Variants in LILRB1 observed in about 807,000 individuals in gnomAD.
The protein encoded by LILRB1 is leukocyte immunoglobulin like receptor B1.
Under a neutral mutation model 74.6 loss-of-function variants are expected in LILRB1, and 59 were observed. That is an observed-to-expected ratio of 0.79 (90% CI 0.64 to 0.98). The LOEUF (loss-of-function observed/expected upper bound fraction) is 0.98, where lower values mean the gene tolerates loss of function less well. LILRB1 is among the 50% of genes least tolerant of loss of function. The pLI, the probability that LILRB1 is intolerant of heterozygous loss-of-function variation, is 0.00. For synonymous variants in LILRB1, 328 were observed against 333.9 expected (o/e 0.98, Z 0.19); for missense variants, 804 against 822.6 (o/e 0.98, Z 0.28).
chr19:54,631,927 T>C lies in LILRB1; in HGVS notation c.359-8T>C. Reference sequence around the variant, plus strand: ...CCACATTTAACACGGTGCCTCCTTCTCTCCTAGGAGCCTACATCAAACCCA... The same window carrying C: ...CCACATTTAACACGGTGCCTCCTTCCCTCCTAGGAGCCTACATCAAACCCA... On this transcript the variant is annotated splice_polypyrimidine_tract_variant and splice_region_variant and intron_variant, in intron 4 of 14. Transcript: ENST00000324602. The C allele has an allele frequency of 1.4e-5, 22 of 1,611,126 alleles. No homozygotes were observed. Among genetic ancestry groups the C allele is most frequent in the Non-Finnish European group, 1.8e-5 (21 of 1,177,784 alleles).
At chr19:54,625,497 G>C (rs374599601), upstream of LILRB1, among the ~76,000 whole-genome samples, 17 of 152,284 alleles carry the variant, frequency 1.1e-4, no homozygotes, top group East Asian at 3.3e-3. Flanking sequence ...TGTAGGCCAA[G>C]GGGGGTCAGG....
upstream of LILRB1, among the ~76,000 whole-genome samples, chr19:54,616,538 T>G (rs1185513506): frequency 1.3e-5 from 2 of 152,334 alleles, no homozygotes; most frequent in East Asian, 1.9e-4. Context: ...ATTTTGAGCT[T>G]CTTCTCTGCC....
rs199642118 is a variant in LILRB1, at chr19:54,633,258, C to T, written c.1201C>T (p.Gln401Ter). 1.4e-4 allele frequency: 231 copies of T among 1,614,122 alleles called. No homozygotes were observed. Among genetic ancestry groups the T allele is most frequent in the Middle Eastern group, 1.2e-3 (7 of 6,060 alleles). ...GGGGACCTACAGGTGCTACGGCTCA[C>T]AGAGCTCCAAACCCTACCTGCTGAC... ...HAGTYRCYGSQSSKPYLLTHP... is the reference protein window; with the variant it reads ...HAGTYRCYGS Residue 401 changes from glutamine (Q) to a stop codon, truncating the protein, a stop_gained, in exon 7 of 15, where the codon CAG (glutamine) becomes TAG (stop). Coordinates refer to ENST00000324602, the MANE Select transcript of LILRB1 (RefSeq NM_001081637.3). LOFTEE classifies it high-confidence loss of function.
chr19:54,626,587 A>T (rs2063595790), upstream of LILRB1, among the ~76,000 whole-genome samples: 1 of 144,634 alleles, frequency 6.9e-6, no homozygotes, highest in Non-Finnish European at 1.5e-5. Flanking sequence ...TACTATGCTC[A>T]TCATTTCAGC....
chr19:54,632,996 C>T lies in LILRB1; in HGVS notation c.959-20C>T. 6.2e-7 allele frequency: 1 copy of T among 1,606,868 alleles called. No homozygotes were observed. The highest frequency in any genetic ancestry group is 8.5e-7 in the Non-Finnish European group (1 of 1,175,160). On this transcript the variant is annotated intron_variant, in intron 6 of 14. Transcript: ENST00000324602. ...CAGAGCAAGGTGGGGCAGCCCCTCGCCCATCCTTCTTCTCTCCAGGACAGT... is the reference window on the plus strand; with the variant it reads ...CAGAGCAAGGTGGGGCAGCCCCTCGTCCATCCTTCTTCTCTCCAGGACAGT...
chr19:54,635,086 C>T lies in LILRB1; in HGVS notation c.1487-18C>T, dbSNP rs778726527. Reference sequence around the variant, plus strand: ...CTCCAATGTTCCCAGGGCTGAGGCTCTGTCCTTCTTCCCCCAGCCCAGAGA... The same window carrying T: ...CTCCAATGTTCCCAGGGCTGAGGCTTTGTCCTTCTTCCCCCAGCCCAGAGA... On this transcript the variant is annotated intron_variant, in intron 10 of 14. Transcript: ENST00000324602. 1.3e-6 allele frequency: 2 copies of T among 1,512,370 alleles called. No homozygotes were observed. The highest frequency in any genetic ancestry group is 4.6e-5 in the East Asian group (2 of 43,746). 93.7% of individuals were successfully genotyped at this position (1,512,370 alleles called of 1,614,324 possible).
Position 54,633,640 on chromosome 19 carries a change from C to G in LILRB1, c.1264C>G (p.Pro422Ala). ...SDPLELVVSG[P>A]SGGPSSPTTG... Reference sequence around the variant, plus strand: ...CCTCCTCTCATTCTTTTACCCAGGACCGTCTGGGGGCCCCAGCTCCCCGAC... The same window carrying G: ...CCTCCTCTCATTCTTTTACCCAGGAGCGTCTGGGGGCCCCAGCTCCCCGAC... The change falls in exon 8 of 15, where the codon CCG becomes GCG. Residue 422 changes from proline to alanine, a missense_variant and splice_region_variant. Pro to Ala is a conservative substitution (Grantham distance 27, BLOSUM62 -1). Coordinates refer to ENST00000324602, the MANE Select transcript of LILRB1 (RefSeq NM_001081637.3). The G allele has an allele frequency of 1.2e-6, 2 of 1,613,408 alleles. No homozygotes were observed. Among genetic ancestry groups the G allele is most frequent in the Non-Finnish European group, 1.7e-6 (2 of 1,179,692 alleles).
intron 7 of LILRB1, 22 bp from the exon 8 acceptor site, chr19:54,633,616 C>G: frequency 6.2e-7 from 1 of 1,609,686 alleles, no homozygotes; most frequent in Non-Finnish European, 8.5e-7. Flanking sequence ...GCTCCTCAGC[C>G]TCCTCTCATT....
intron 1 of LILRB1, among the ~76,000 whole-genome samples, chr19:54,623,446 TA>T (rs760570758): frequency 6.6e-6 from 1 of 152,230 alleles, no homozygotes; most frequent in Non-Finnish European, 1.5e-5. Flanking sequence ...TTTACGTGCA[TA>T]AAGGTGTTCA....
Position 54,636,571 on chromosome 19 carries a change from C to T in LILRB1, c.1731C>T (p.Ala577=), listed in dbSNP as rs776379093. The T allele has an allele frequency of 1.3e-5, 21 of 1,611,298 alleles. No homozygotes were observed. The East Asian group carries it at 3.6e-4, about 27-fold the overall frequency. Residue 577 remains alanine (A), a synonymous_variant, in exon 14 of 15, where the codon GCC becomes GCT. Coordinates refer to ENST00000324602, the MANE Select transcript of LILRB1 (RefSeq NM_001081637.3). ...ACTCCAGACCTAGGAGAGAAATGGC[C>T]TCTCCTCCTTCCCCACTGTCTGGGG... ...VKHSRPRREM[A]SPPSPLSGEF...
upstream of LILRB1, among the ~76,000 whole-genome samples, chr19:54,628,520 G>T (rs932704574): frequency 6.6e-6 from 1 of 152,112 alleles, no homozygotes; most frequent in African/African-American, 2.4e-5. Flanking sequence ...TGATTAATTT[G>T]CTGTAGCAGC....
intron 1 of LILRB1, among the ~76,000 whole-genome samples, chr19:54,619,951 C>CCCT (rs2063409854): frequency 9.1e-5 from 4 of 44,112 alleles, no homozygotes; most frequent in African/African-American, 3.0e-4. Context: ...TATGTTAAAC[C>CCCT]TCGTTTTTTT....
At chr19:54,630,381 C>G, upstream of LILRB1, 1 of 198,250 alleles carries the variant, frequency 5.0e-6, no homozygotes, top group Non-Finnish European at 9.9e-6. Context: ...GACACTGTAG[C>G]AAAATATTTT....
chr19:54,628,618 G>C (rs2146214213), upstream of LILRB1, among the ~76,000 whole-genome samples: 1 of 152,270 alleles, frequency 6.6e-6, no homozygotes, highest in Middle Eastern at 3.4e-3. Context: ...ATAGGAGGAG[G>C]CATGGGGGAA....
At chr19:54,631,172 T>A (rs2296368) in intron 2 of LILRB1, 65 bp downstream of exon 2, 3 of 1,574,644 alleles carry the variant, frequency 1.9e-6, no homozygotes, top group East Asian at 2.2e-5. Flanking sequence ...GCCAAACTCT[T>A]GTCCCTAAGG....
At chr19:54,627,982 T>C (rs2063643048), upstream of LILRB1, among the ~76,000 whole-genome samples, 1 of 152,250 alleles carries the variant, frequency 6.6e-6, no homozygotes. Context: ...CCAGCAGTTT[T>C]GCTTCGAGAG....
At position 54,635,098 on chromosome 19, in the gene LILRB1, C is replaced by A. The variant is rs777801501; in HGVS notation, c.1487-6C>A. The A allele has an allele frequency of 6.4e-7, 1 of 1,552,426 alleles. No homozygotes were observed. The highest frequency in any genetic ancestry group is 8.8e-7 in the Non-Finnish European group (1 of 1,138,068). The stretch of plus-strand genomic sequence containing the variant: ...CAGGGCTGAGGCTCTGTCCTTCTTC[C>A]CCCAGCCCAGAGAAAGGCTGATTTC... On this transcript the variant is annotated splice_region_variant and splice_polypyrimidine_tract_variant and intron_variant, in intron 10 of 14. Coordinates refer to ENST00000324602, the MANE Select transcript of LILRB1 (RefSeq NM_001081637.3).
Position 54,636,475 on chromosome 19 carries a change from C to T in LILRB1, c.1654-19C>T. On this transcript the variant is annotated intron_variant, in intron 13 of 14. Transcript: ENST00000324602. ...GTCAGGAGGATTCAAGGACACCCCC[C>T]ACCACTGTCTCTCTCCAGCAGAGCC... 1 of 1,608,614 alleles carries T rather than the reference C, an allele frequency of 6.2e-7. No individual in the cohort carries two copies. The highest frequency in any genetic ancestry group is 8.5e-7 in the Non-Finnish European group (1 of 1,178,886).
At chr19:54,634,536 T>C (rs2064219673) in intron 9 of LILRB1, 105 bp from the exon 10 acceptor site, 2 of 1,519,124 alleles carry the variant, frequency 1.3e-6, no homozygotes, top group African/African-American at 1.4e-5. Context: ...TGCACGACTG[T>C]TGTGGGGGTT....
Sources: allele counts gnomAD v4.1 joint callset (sites outside exome capture counted in the v4.1 genomes callset), GRCh38; gene constraint gnomAD v4.1.1; transcripts MANE v1.5; gene names NCBI Gene and HGNC (gene_info 2026-07-23, HGNC 2026-07-21).